TBC1D8: variants seen among roughly 807,000 people sequenced by gnomAD.
TBC1D8 encodes the protein TBC1 domain family member 8.
Under a neutral mutation model 118.8 loss-of-function variants are expected in TBC1D8, and 65 were observed. That is an observed-to-expected ratio of 0.55 (90% CI 0.45 to 0.67). The LOEUF (loss-of-function observed/expected upper bound fraction) is 0.67. TBC1D8 is among the 30% of genes least tolerant of loss of function. The pLI, the probability that TBC1D8 is intolerant of heterozygous loss-of-function variation, is 0.00. For synonymous variants in TBC1D8, 566 were observed against 595.8 expected (o/e 0.95, Z 0.73); for missense variants, 1,376 against 1,471.2 (o/e 0.94, Z 1.06).
chr2:101,108,727 C>T lies in TBC1D8; in HGVS notation c.128-18363G>A, dbSNP rs116592440. Among the ~76,000 whole-genome samples, 1,311 of 151,896 alleles carry T rather than the reference C, an allele frequency of 8.6e-3. 23 individuals carry two copies. Among genetic ancestry groups the T allele is most frequent in the African/African-American group, 0.03 (1,260 of 41,380 alleles). ...GATCACATTGGCACCCCACCCTCCC[C>T]ACCCACCATTACTCCAGGATAATCT... is the stretch of plus-strand genomic sequence containing the variant. On this transcript the variant is annotated intron_variant, in intron 1 of 19. Transcript: ENST00000409318.
At chr2:101,095,815 AG>A (rs1676381981) in intron 1 of TBC1D8, among the ~76,000 whole-genome samples, 2 of 152,120 alleles carry the variant, frequency 1.3e-5, no homozygotes, top group Admixed American at 6.5e-5. Context: ...AGTCTTCTCT[AG>A]TCAGTAAGAA....
chr2:101,131,430 G>A lies in TBC1D8; in HGVS notation c.127+19697C>T, dbSNP rs545783820. On this transcript the variant is annotated intron_variant, in intron 1 of 19. Coordinates refer to ENST00000409318, the MANE Select transcript of TBC1D8 (RefSeq NM_001330348.2). ...CTCGGGAGGCTGAGGCAGGAGAATC[G>A]CTTGAACCCGGGAGGCAGAGGTTGC... Among the ~76,000 whole-genome samples the A allele has an allele frequency of 1.4e-4, 21 of 146,690 alleles. No homozygotes were observed. The East Asian group carries it at 2.7e-3, about 19-fold the overall frequency.
chr2:101,078,710 A>C (rs1558681560), intron 2 of TBC1D8, among the ~76,000 whole-genome samples: 1 of 134,044 alleles, frequency 7.5e-6, no homozygotes, highest in Non-Finnish European at 1.6e-5. Context: ...GAAAATCTTC[A>C]TAACAAAAAA....
chr2:101,073,364 G>A (rs1009254191), intron 2 of TBC1D8, among the ~76,000 whole-genome samples: 21 of 149,354 alleles, frequency 1.4e-4, no homozygotes, highest in African/African-American at 5.0e-5. Flanking sequence ...CCACGATCTC[G>A]GCTCACTGCA....
Position 101,105,025 on chromosome 2 carries a change from C to CAA in TBC1D8, c.128-14663_128-14662dup, listed in dbSNP as rs4069926. On this transcript the variant is annotated intron_variant, in intron 1 of 19. Transcript: ENST00000409318. The stretch of plus-strand genomic sequence containing the variant: ...GGGCAACAAGAGCAAAACTCTATCT[C>CAA]AAAAAAAAAAAAAAAAAAACTTCTA... 4.5e-3 allele frequency among the ~76,000 whole-genome samples: 524 copies of CAA among 115,630 alleles called. 3 individuals carry two copies. The highest frequency in any genetic ancestry group is 0.015 in the African/African-American group (429 of 29,044). 75.9% of individuals were successfully genotyped at this position (115,630 alleles called of 152,430 possible). A position where few individuals can be genotyped will look rare whatever the true frequency, so the allele number is the denominator to read the frequency against.
chr2:101,073,286 A>ATTTTTTTT (rs1558676266), intron 2 of TBC1D8, among the ~76,000 whole-genome samples: 1 of 142,860 alleles, frequency 7.0e-6, no homozygotes, highest in African/African-American at 2.7e-5. Flanking sequence ...ATTTTATTTT[A>ATTTTTTTT]TTTTATTTTA....
intron 2 of TBC1D8, among the ~76,000 whole-genome samples, chr2:101,088,720 A>G (rs1675809582): frequency 6.6e-6 from 1 of 151,892 alleles, no homozygotes; most frequent in South Asian, 2.1e-4. Flanking sequence ...ACAGGTACAC[A>G]CCACCACGCC....
At chr2:101,014,566 G>C (rs1679473918) in intron 17 of TBC1D8, among the ~76,000 whole-genome samples, 1 of 152,156 alleles carries the variant, frequency 6.6e-6, no homozygotes, top group Non-Finnish European at 1.5e-5. Flanking sequence ...TCTTAATCCT[G>C]GCTGGATTCA....
Position 101,060,304 on chromosome 2 carries a change from C to T in TBC1D8, c.284-765G>A, listed in dbSNP as rs191364208. ...CAAGAAGTACTAAAGCCCAAGTCCACGGAGGAATGAGCCTCTTGCCAGGGC... is the reference window on the plus strand; with the variant it reads ...CAAGAAGTACTAAAGCCCAAGTCCATGGAGGAATGAGCCTCTTGCCAGGGC... On this transcript the variant is annotated intron_variant, in intron 2 of 19. Coordinates refer to ENST00000409318, the MANE Select transcript of TBC1D8 (RefSeq NM_001330348.2). Among the ~76,000 whole-genome samples, 14 of 152,298 alleles carry T rather than the reference C, an allele frequency of 9.2e-5. No homozygotes were observed. In the East Asian group the frequency reaches 1.5e-3, roughly 17 times the overall value.
chr2:101,130,271 G>A (rs772800085), intron 1 of TBC1D8, among the ~76,000 whole-genome samples: 30 of 152,218 alleles, frequency 2.0e-4, no homozygotes, highest in Non-Finnish European at 4.0e-4. Context: ...TGGAAGCGTC[G>A]ATCGGGCCAG....
intron 2 of TBC1D8, among the ~76,000 whole-genome samples, chr2:101,082,184 T>C (rs1156292355): frequency 1.3e-5 from 2 of 152,174 alleles, no homozygotes; most frequent in East Asian, 3.8e-4. Flanking sequence ...ATGCAGTTGG[T>C]AACCTTGGGA....
At chr2:101,041,369 A>T (rs934479566) in intron 5 of TBC1D8, among the ~76,000 whole-genome samples, 1 of 152,250 alleles carries the variant, frequency 6.6e-6, no homozygotes, top group Non-Finnish European at 1.5e-5. Context: ...GGAATGAAGT[A>T]CTGATGAGTG....
chr2:101,073,515 C>T (rs922425494), intron 2 of TBC1D8, among the ~76,000 whole-genome samples: 1 of 152,032 alleles, frequency 6.6e-6, no homozygotes, highest in Non-Finnish European at 1.5e-5. Context: ...AGGATGGTCT[C>T]GATCTCCTGA....
chr2:101,025,140 A>G (rs893302543), intron 15 of TBC1D8, among the ~76,000 whole-genome samples: 4 of 152,174 alleles, frequency 2.6e-5, no homozygotes, highest in African/African-American at 7.2e-5. Flanking sequence ...CAAGAGGGAA[A>G]ATTCTGGAAA....
In TBC1D8 at chr2:101,090,340, G is replaced by A; in HGVS notation, c.152C>T (p.Ala51Val). The change falls in exon 2 of 20, where the codon GCA becomes GTA. Residue 51 changes from alanine to valine, a missense_variant. Physicochemically the swap from Ala to Val is moderately conservative, Grantham distance 64. Transcript: ENST00000409318. ...GACCCGTGCATTGGAATCCAACACTGCATCCAGAGCGCCGACCAGGCGACC... is the reference window on the plus strand; with the variant it reads ...GACCCGTGCATTGGAATCCAACACTACATCCAGAGCGCCGACCAGGCGACC... Reference protein sequence around the residue: ...LTGRLVGALDAVLDSNARVAP... With the variant: ...LTGRLVGALDVVLDSNARVAP... 6.2e-7 allele frequency: 1 copy of A among 1,614,018 alleles called. No homozygotes were observed. The highest frequency in any genetic ancestry group is 2.2e-5 in the East Asian group (1 of 44,866).
At chr2:101,053,154 A>C (rs1479081560) in intron 4 of TBC1D8, among the ~76,000 whole-genome samples, 5 of 152,228 alleles carry the variant, frequency 3.3e-5, no homozygotes, top group African/African-American at 1.2e-4. Flanking sequence ...ATCTGAACTG[A>C]ATTTTGAAGG....
intron 1 of TBC1D8, among the ~76,000 whole-genome samples, chr2:101,137,926 C>A (rs189052105): frequency 6.6e-6 from 1 of 152,112 alleles, no homozygotes; most frequent in Admixed American, 6.5e-5. Flanking sequence ...GAAATACCCG[C>A]GACTGGGTAA....
intron 1 of TBC1D8, among the ~76,000 whole-genome samples, 190 bp from the exon 2 acceptor site, chr2:101,090,554 G>T (rs111242056): frequency 6.6e-6 from 1 of 152,212 alleles, no homozygotes; most frequent in Non-Finnish European, 1.5e-5. Context: ...ATCCGCAGCA[G>T]GACCTGCCCC....
intron 1 of TBC1D8, among the ~76,000 whole-genome samples, chr2:101,139,199 CA>C (rs1678991653): frequency 6.6e-6 from 1 of 152,054 alleles, no homozygotes; most frequent in Non-Finnish European, 1.5e-5. Context: ...TCGACCTATT[CA>C]AATCTTTCCC....
Sources: gnomAD v4.1 joint callset for allele counts (sites outside exome capture counted in the v4.1 genomes callset) on GRCh38, gnomAD v4.1.1 for gene constraint, MANE v1.5 for transcripts, NCBI Gene and HGNC (gene_info 2026-07-23, HGNC 2026-07-21) for gene names.